The following DOCK8 variants were observed in gnomAD, a reference collection of about 807,000 sequenced individuals.
DOCK8 encodes dedicator of cytokinesis protein 8.
DOCK8 carries 141 observed loss-of-function variants against 245.6 expected under a neutral mutation model. That is an observed-to-expected ratio of 0.57 (90% confidence interval 0.50 to 0.66). The LOEUF (loss-of-function observed/expected upper bound fraction) is 0.66, where lower values mean the gene tolerates loss of function less well. DOCK8 is among the 30% of genes least tolerant of loss of function. DOCK8 has a pLI of 0.00. For synonymous variants in DOCK8, 1,168 were observed against 970.2 expected (o/e 1.20, Z -3.79); for missense variants, 2,965 against 2,603.4 (o/e 1.14, Z -3.02).
intron 26 of DOCK8, among the ~76,000 whole-genome samples, chr9:400,057 ACC>A: frequency 9.2e-6 from 1 of 108,240 alleles, no homozygotes; most frequent in African/African-American, 4.4e-5. Context: ...CACCATCACC[ACC>A]TCCTTCACCA....
intron 18 of DOCK8, among the ~76,000 whole-genome samples, chr9:373,634 C>A (rs1223452156): frequency 6.6e-6 from 1 of 152,186 alleles, no homozygotes; most frequent in East Asian, 1.9e-4. Flanking sequence ...TTCAACCGTT[C>A]CAGTCAACTT....
Position 426,886 on chromosome 9 carries a change from A to T in DOCK8, c.4243A>T (p.Thr1415Ser), listed in dbSNP as rs759414070. 8 of 1,614,104 alleles carry T rather than the reference A, an allele frequency of 5.0e-6. No homozygotes were observed. The highest frequency in any genetic ancestry group is 4.5e-5 in the East Asian group (2 of 44,882). The stretch of plus-strand genomic sequence containing the variant: ...ATTTGACCTCTTGTTGTTTCCTAGA[A>T]CAAAGGCCGAGTTAGATCAAGAAGC... ...WRQANEKLDKTKAELDQEALI... is the reference protein window; with the variant it reads ...WRQANEKLDKSKAELDQEALI... The change falls in exon 34 of 48, where the codon ACA (threonine) becomes TCA (serine). Residue 1415 changes from threonine (T) to serine (S), a missense_variant and splice_region_variant. Physicochemically the swap from Thr to Ser is moderately conservative, Grantham distance 58. This residue lies in a region of DOCK8 where 2,825 missense variants were observed against 2,453.5 expected (regional missense o/e 1.15). Coordinates refer to ENST00000432829, the MANE Select transcript of DOCK8 (RefSeq NM_203447.4).
intron 1 of DOCK8, among the ~76,000 whole-genome samples, chr9:223,617 A>G (rs1363711139): frequency 1.3e-5 from 2 of 151,892 alleles, no homozygotes; most frequent in Non-Finnish European, 2.9e-5. Context: ...TTGGTGTTTT[A>G]AAATCTTTTT....
chr9:227,479 G>A (rs1310202118), intron 1 of DOCK8, among the ~76,000 whole-genome samples: 2 of 152,150 alleles, frequency 1.3e-5, no homozygotes, highest in East Asian at 3.9e-4. Flanking sequence ...ACAATCTGCA[G>A]CGTTCCAGGT....
chr9:398,103 T>C (rs974658429), intron 25 of DOCK8, among the ~76,000 whole-genome samples: 5 of 152,176 alleles, frequency 3.3e-5, no homozygotes, highest in African/African-American at 1.2e-4. Flanking sequence ...ATGGCAAACT[T>C]TGTTGGAACA....
At chr9:265,013 C>T (rs913554333) in intron 1 of DOCK8, among the ~76,000 whole-genome samples, 18 of 152,180 alleles carry the variant, frequency 1.2e-4, no homozygotes, top group Admixed American at 6.5e-4. Flanking sequence ...CTCACTGCAA[C>T]CTCCACCTCC....
chr9:301,271 G>C (rs974149558), intron 4 of DOCK8, among the ~76,000 whole-genome samples: 1 of 152,012 alleles, frequency 6.6e-6, no homozygotes, highest in Non-Finnish European at 1.5e-5. Flanking sequence ...CACAGAAAAG[G>C]CTTTTAACAA....
Position 464,515 on chromosome 9 carries a change from G to T in DOCK8, c.*296G>T. 2.1e-6 allele frequency: 1 copy of T among 481,030 alleles called. No homozygotes were observed. Among genetic ancestry groups the T allele is most frequent in the African/African-American group, 1.9e-5 (1 of 51,426 alleles). The allele number at this position is 481,030 out of a possible 1,614,324, so 29.8% of individuals were successfully genotyped here. A position where few individuals can be genotyped will look rare whatever the true frequency, so the allele number is the denominator to read the frequency against. On this transcript the variant is annotated 3_prime_UTR_variant, in exon 48 of 48. Transcript: ENST00000432829. ...AAACAAGGCATAAGCAGCTTCTCCT[G>T]CTGACTGGCCAATCACTGCCCATCT...
At chr9:462,618 T>C (rs765881041) in intron 46 of DOCK8, among the ~76,000 whole-genome samples, 27 of 152,248 alleles carry the variant, frequency 1.8e-4, no homozygotes, top group Admixed American at 1.5e-3. Flanking sequence ...AAAATCTTAA[T>C]GGGCAGTCCT....
intron 24 of DOCK8, among the ~76,000 whole-genome samples, chr9:396,204 G>A (rs575860980): frequency 6.6e-6 from 1 of 152,122 alleles, no homozygotes; most frequent in Non-Finnish European, 1.5e-5. Context: ...AACATTTCCT[G>A]CTCAATATAT....
chr9:293,885 AT>A (rs1343893494), intron 4 of DOCK8, among the ~76,000 whole-genome samples: 47 of 152,348 alleles, frequency 3.1e-4, no homozygotes, highest in African/African-American at 1.1e-3. Context: ...TTTGAAAGAA[AT>A]CAAGTAATAT....
At chr9:336,363 G>A (rs1286958970) in intron 11 of DOCK8, among the ~76,000 whole-genome samples, 4 of 152,222 alleles carry the variant, frequency 2.6e-5, no homozygotes, top group Non-Finnish European at 5.9e-5. Context: ...GCCCATGGCT[G>A]CTCCTGGCCT....
chr9:382,803 T>C, intron 22 of DOCK8, 118 bp downstream of exon 22: 1 of 1,346,340 alleles, frequency 7.4e-7, no homozygotes. Flanking sequence ...TCGGATGCTT[T>C]AATGCTCAGC....
At chr9:373,738 G>A (rs1404960033) in intron 18 of DOCK8, among the ~76,000 whole-genome samples, 1 of 152,070 alleles carries the variant, frequency 6.6e-6, no homozygotes, top group African/African-American at 2.4e-5. Context: ...TTTTGCCCTG[G>A]ACCACAGGCA....
intron 1 of DOCK8, among the ~76,000 whole-genome samples, chr9:226,115 T>C (rs1253312973): frequency 1.3e-5 from 2 of 152,202 alleles, no homozygotes; most frequent in South Asian, 2.1e-4. Context: ...GAAAAAAAGG[T>C]TTAATGGACT....
intron 32 of DOCK8, 136 bp from the exon 33 acceptor site, chr9:421,912 A>G (rs2056294862): frequency 2.6e-6 from 2 of 781,566 alleles, no homozygotes; most frequent in African/African-American, 1.7e-5. Context: ...TTTGTCTCCT[A>G]CCAGCAACCT....
intron 1 of DOCK8, among the ~76,000 whole-genome samples, chr9:265,398 G>T (rs2048013630): frequency 6.6e-6 from 1 of 152,182 alleles, no homozygotes; most frequent in African/African-American, 2.4e-5. Context: ...TGTTGTGGTT[G>T]CATGCATAGG....
intron 5 of DOCK8, among the ~76,000 whole-genome samples, chr9:307,822 C>T (rs2049919550): frequency 6.6e-6 from 1 of 152,094 alleles, no homozygotes; most frequent in South Asian, 2.1e-4. Context: ...CCTAAGTATC[C>T]ATCAGCAGAA....
At chr9:229,630 G>A (rs1213564203) in intron 1 of DOCK8, among the ~76,000 whole-genome samples, 1 of 152,070 alleles carries the variant, frequency 6.6e-6, no homozygotes, top group East Asian at 1.9e-4. Context: ...ATTCTCAAGA[G>A]TTACCAAATA....
Sources: allele counts gnomAD v4.1 joint callset (sites outside exome capture counted in the v4.1 genomes callset), GRCh38; gene constraint gnomAD v4.1.1; regional missense constraint gnomAD v4.1.1; transcripts MANE v1.5; gene names NCBI Gene and HGNC (gene_info 2026-07-23, HGNC 2026-07-21).